The following PSMB7 variants were observed in gnomAD, a reference collection of about 807,000 sequenced individuals.
PSMB7 encodes the protein proteasome 20S subunit beta 7.
In PSMB7, 5 loss-of-function variants were observed where a neutral mutation model predicts 28.1. The observed-to-expected ratio is 0.18, with a 90% confidence interval of 0.09 to 0.37. The LOEUF (loss-of-function observed/expected upper bound fraction) is 0.37, where lower values mean the gene tolerates loss of function less well. Ranked by LOEUF, PSMB7 falls within the 10% of genes least tolerant of loss-of-function variation. PSMB7 has a pLI of 1.00. For missense variants in PSMB7, 275 were observed against 346.2 expected (o/e 0.79, Z 1.63); for synonymous variants, 122 against 123.7 (o/e 0.99, Z 0.09).
intron 6 of PSMB7, among the ~76,000 whole-genome samples, chr9:124,370,475 G>A (rs772027092): frequency 6.0e-5 from 9 of 149,268 alleles, no homozygotes; most frequent in Non-Finnish European, 1.0e-4. Context: ...TGGCAGTTCC[G>A]TTTATTCAGA....
chr9:124,356,752 T>A lies in PSMB7; in HGVS notation c.722+12A>T. ...CAGGGGACCCAGGAAGAACTTCGTC[T>A]CCTTCACTCACCTGGTCCCCTTCTT... On this transcript the variant is annotated intron_variant, in intron 7 of 7. Transcript: ENST00000259457. This position sits in a 1 kb window ranked among gnomAD's most constrained non-coding sequence, Gnocchi z 4.4. The A allele has an allele frequency of 1.2e-6, 2 of 1,604,836 alleles. No homozygotes were observed. Among genetic ancestry groups the A allele is most frequent in the South Asian group, 1.1e-5 (1 of 90,420 alleles).
chr9:124,405,712 C>T (rs923164095), intron 4 of PSMB7, among the ~76,000 whole-genome samples: 2 of 152,064 alleles, frequency 1.3e-5, no homozygotes, highest in African/African-American at 4.8e-5. Context: ...GACAGGGTCT[C>T]ACTCTGTCAC....
chr9:124,357,065 A>C, intron 6 of PSMB7, 150 bp from the exon 7 acceptor site: 2 of 954,070 alleles, frequency 2.1e-6, no homozygotes, highest in Non-Finnish European at 3.0e-6. Context: ...AAAGATCTCA[A>C]AGTACCTTGA....
At chr9:124,358,386 G>A (rs1830434600) in intron 6 of PSMB7, among the ~76,000 whole-genome samples, 1 of 152,180 alleles carries the variant, frequency 6.6e-6, no homozygotes, top group African/African-American at 2.4e-5. Flanking sequence ...TATACCCCAG[G>A]TTTTTTCACT....
intron 5 of PSMB7, among the ~76,000 whole-genome samples, chr9:124,386,875 A>G (rs997993340): frequency 2.0e-5 from 3 of 151,584 alleles, no homozygotes; most frequent in Non-Finnish European, 2.9e-5. Flanking sequence ...CTAGGCACAT[A>G]TATTTCCTTC....
At chr9:124,373,474 G>T (rs1830581746) in intron 6 of PSMB7, among the ~76,000 whole-genome samples, 1 of 152,112 alleles carries the variant, frequency 6.6e-6, no homozygotes, top group Admixed American at 6.5e-5. Context: ...ACGACCAAAA[G>T]CAAATGACAG....
chr9:124,405,200 G>T, intron 5 of PSMB7, 117 bp downstream of exon 5: 1 of 679,278 alleles, frequency 1.5e-6, no homozygotes, highest in African/African-American at 1.8e-5. Flanking sequence ...TATATTTGCT[G>T]AATGAATCAA....
At chr9:124,369,672 T>C (rs538108209) in intron 6 of PSMB7, among the ~76,000 whole-genome samples, 1 of 152,204 alleles carries the variant, frequency 6.6e-6, no homozygotes, top group South Asian at 2.1e-4. Flanking sequence ...TGTCCCAACT[T>C]CCAGGACTGC....
At chr9:124,413,175 A>C (rs1487207583) in intron 3 of PSMB7, among the ~76,000 whole-genome samples, 3 of 148,156 alleles carry the variant, frequency 2.0e-5, no homozygotes, top group African/African-American at 7.5e-5. Flanking sequence ...AAAAAAAAAA[A>C]GAACGAAAAA....
chr9:124,363,540 A>G (rs73666873), intron 6 of PSMB7, among the ~76,000 whole-genome samples: 2,369 of 151,896 alleles, frequency 0.016, 69 homozygotes, highest in African/African-American at 0.053. Context: ...TAGAGTTTGG[A>G]GTTTGGCCTG....
In PSMB7 at chr9:124,353,709, C is replaced by T; in HGVS notation, c.723G>A (p.Arg241=). The T allele has an allele frequency of 6.2e-7, 1 of 1,607,270 alleles. No individual in the cohort carries two copies. The highest frequency in any genetic ancestry group is 8.5e-7 in the Non-Finnish European group (1 of 1,173,802). Residue 241 remains arginine (R), a splice_region_variant and synonymous_variant, in exon 8 of 8, where the codon AGG becomes AGA. Transcript: ENST00000259457. ...PYTVPNKKGT[R]LGRYRCEKGT... ...CTTTCTCACACCTGTACCGGCCAAG[C>T]CTAGTAAGAGAAAAACAAAAGCACA...
intron 5 of PSMB7, among the ~76,000 whole-genome samples, chr9:124,386,833 TA>T (rs1830725703): frequency 7.5e-6 from 1 of 133,432 alleles, no homozygotes; most frequent in Non-Finnish European, 1.8e-5. Flanking sequence ...AGTTGCACAG[TA>T]AATTTTTTTT....
intron 6 of PSMB7, among the ~76,000 whole-genome samples, chr9:124,370,445 T>A (rs1830549011): frequency 6.6e-6 from 1 of 152,048 alleles, no homozygotes; most frequent in Non-Finnish European, 1.5e-5. Context: ...CTCTTAAGAA[T>A]CGCCAGTCCC....
In PSMB7 at chr9:124,396,085, C is replaced by T. The variant is rs1341677209; in HGVS notation, c.511+9232G>A. Among the ~76,000 whole-genome samples the T allele has an allele frequency of 3.1e-4, 47 of 152,190 alleles. 1 individual carries two copies. The highest frequency in any genetic ancestry group is 3.0e-3 in the Admixed American group (46 of 15,284). On this transcript the variant is annotated intron_variant, in intron 5 of 7. Coordinates refer to ENST00000259457, the MANE Select transcript of PSMB7 (RefSeq NM_002799.4). ...CACACGGCTATGAAGTCCATATATA[C>T]GTGCCCTCTGAGGTTTTTATGAAGT...
At position 124,353,697 on chromosome 9, in the gene PSMB7, G is replaced by T; in HGVS notation, c.735C>A (p.Tyr245Ter). 6.2e-7 allele frequency: 1 copy of T among 1,612,770 alleles called. No homozygotes were observed. The highest frequency in any genetic ancestry group is 8.5e-7 in the Non-Finnish European group (1 of 1,178,744). Residue 245 changes from tyrosine (Y) to a stop codon, truncating the protein, a stop_gained, in exon 8 of 8, where the codon TAC (tyrosine) becomes TAA (stop). Coordinates refer to ENST00000259457, the MANE Select transcript of PSMB7 (RefSeq NM_002799.4). LOFTEE classifies it high-confidence loss of function. ...CTGCAGTAGTCCCTTTCTCACACCT[G>T]TACCGGCCAAGCCTAGTAAGAGAAA... ...PNKKGTRLGRYRCEKGTTAVL... is the reference protein window; with the variant it reads ...PNKKGTRLGR
chr9:124,363,725 G>A (rs1019211095), intron 6 of PSMB7, among the ~76,000 whole-genome samples: 4 of 152,086 alleles, frequency 2.6e-5, no homozygotes, highest in African/African-American at 7.2e-5. Context: ...ACCAGGATCT[G>A]GGTGACACAA....
intron 6 of PSMB7, among the ~76,000 whole-genome samples, chr9:124,363,318 A>T (rs1161690456): frequency 6.6e-6 from 1 of 152,198 alleles, no homozygotes; most frequent in Non-Finnish European, 1.5e-5. Context: ...TAAGGCTCTG[A>T]CTCTGCCACT....
chr9:124,382,627 A>C (rs79321634), intron 6 of PSMB7, among the ~76,000 whole-genome samples: 4,157 of 152,304 alleles, frequency 0.027, 72 homozygotes, highest in Admixed American at 0.045. Flanking sequence ...AATCAATGTG[A>C]AATAAGAATA....
At chr9:124,381,318 C>T (rs915454762) in intron 6 of PSMB7, among the ~76,000 whole-genome samples, 2 of 152,190 alleles carry the variant, frequency 1.3e-5, no homozygotes, top group African/African-American at 2.4e-5. Context: ...TTTGTTTTAA[C>T]GATAAAGCCA....
Sources: allele counts gnomAD v4.1 joint callset (sites outside exome capture counted in the v4.1 genomes callset), GRCh38; gene constraint gnomAD v4.1.1; non-coding constraint Gnocchi (gnomAD v3.1); transcripts MANE v1.5; gene names NCBI Gene and HGNC (gene_info 2026-07-23, HGNC 2026-07-21).